Variants in HIVEP3 observed in about 807,000 individuals in gnomAD.
HIVEP3 encodes transcription factor HIVEP3.
In HIVEP3, 49 loss-of-function variants were observed where a neutral mutation model predicts 152.8. That is an observed-to-expected ratio of 0.32 (90% CI 0.26 to 0.41). The LOEUF (loss-of-function observed/expected upper bound fraction) is 0.41, where lower values mean the gene tolerates loss of function less well. Ranked by LOEUF, HIVEP3 falls within the 10% of genes least tolerant of loss-of-function variation. HIVEP3 has a pLI of 1.00. For missense variants in HIVEP3, 2,790 were observed against 3,103.3 expected, an observed-to-expected ratio of 0.90 and a Z score of 2.40; for synonymous variants, 1,269 against 1,289.0, an observed-to-expected ratio of 0.98 and a Z score of 0.33.
At chr1:41,623,926 C>A (rs1645080645) in intron 3 of HIVEP3, among the ~76,000 whole-genome samples, 1 of 152,156 alleles carries the variant, frequency 6.6e-6, no homozygotes, top group Admixed American at 6.5e-5. Flanking sequence ...TGCTCCCCAC[C>A]CCCACTTCTC....
At chr1:41,899,628 G>GA (rs1236283974) in intron 1 of HIVEP3, among the ~76,000 whole-genome samples, 2 of 152,152 alleles carry the variant, frequency 1.3e-5, no homozygotes, top group African/African-American at 4.8e-5. Flanking sequence ...GGCTGGTCTT[G>GA]AACTCCTGAT....
At chr1:41,973,371 G>A (rs777204000) in intron 1 of HIVEP3, among the ~76,000 whole-genome samples, 6 of 152,182 alleles carry the variant, frequency 3.9e-5, no homozygotes, top group Admixed American at 1.3e-4. Flanking sequence ...TGCTAGAGCC[G>A]CAGTCATCTC....
chr1:41,941,101 T>A (rs1269159756), intron 1 of HIVEP3, among the ~76,000 whole-genome samples: 1 of 151,936 alleles, frequency 6.6e-6, no homozygotes, highest in Non-Finnish European at 1.5e-5. Context: ...TTCCATGGTG[T>A]GGTGAGTTAG....
At chr1:41,781,841 T>G (rs570883476) in intron 1 of HIVEP3, among the ~76,000 whole-genome samples, 1 of 152,342 alleles carries the variant, frequency 6.6e-6, no homozygotes, top group African/African-American at 2.4e-5. Flanking sequence ...TTCTGTCACT[T>G]GTCGCTCTTC....
rs182150971 is a variant in HIVEP3, at chr1:41,676,330, G to A, written c.-721+24586C>T. ...CTCTGAAAGTGCTGGGATTACAGGCGTGAGCCACCGTGCCCGGCAACTAGG... is the reference window on the plus strand; with the variant it reads ...CTCTGAAAGTGCTGGGATTACAGGCATGAGCCACCGTGCCCGGCAACTAGG... On this transcript the variant is annotated intron_variant, in intron 2 of 8. Coordinates refer to ENST00000372583, the MANE Select transcript of HIVEP3 (RefSeq NM_024503.5). 3.2e-3 allele frequency among the ~76,000 whole-genome samples: 485 copies of A among 152,266 alleles called. 2 individuals are homozygous for A. The highest frequency in any genetic ancestry group is 0.011 in the African/African-American group (472 of 41,532).
chr1:41,712,976 G>A (rs1235094588), intron 1 of HIVEP3, among the ~76,000 whole-genome samples: 2 of 152,234 alleles, frequency 1.3e-5, no homozygotes, highest in Non-Finnish European at 2.9e-5. Context: ...TCCCACCGAT[G>A]TGGAAGTCTT....
chr1:41,917,629 G>T (rs1644891023), intron 1 of HIVEP3, among the ~76,000 whole-genome samples: 1 of 152,204 alleles, frequency 6.6e-6, no homozygotes, highest in Non-Finnish European at 1.5e-5. Flanking sequence ...GTCCTCAGCA[G>T]CCTGGACAAT....
chr1:41,804,715 G>A (rs900066543), intron 1 of HIVEP3, among the ~76,000 whole-genome samples: 37 of 152,220 alleles, frequency 2.4e-4, no homozygotes, highest in African/African-American at 7.7e-4. Flanking sequence ...TATCCTCTAC[G>A]ACTATCTAGA....
intron 1 of HIVEP3, among the ~76,000 whole-genome samples, chr1:41,799,994 C>A (rs1036723834): frequency 2.0e-5 from 3 of 152,194 alleles, no homozygotes; most frequent in Admixed American, 1.3e-4. Context: ...TTACCCAACT[C>A]TACTCTGCAA....
intron 5 of HIVEP3, among the ~76,000 whole-genome samples, chr1:41,569,533 T>C (rs930042896): frequency 1.3e-5 from 2 of 151,904 alleles, no homozygotes; most frequent in Non-Finnish European, 2.9e-5. Flanking sequence ...AAATCTGGAG[T>C]TCACAGCAAA....
intron 2 of HIVEP3, among the ~76,000 whole-genome samples, chr1:41,691,786 T>C (rs1646201613): frequency 6.6e-6 from 1 of 152,234 alleles, no homozygotes; most frequent in Non-Finnish European, 1.5e-5. Flanking sequence ...TATTCATAGA[T>C]TCTGTATTTG....
intron 1 of HIVEP3, among the ~76,000 whole-genome samples, chr1:41,742,186 C>A (rs1647007102): frequency 6.6e-6 from 1 of 152,144 alleles, no homozygotes; most frequent in Admixed American, 6.5e-5. Flanking sequence ...ATCCACCTGT[C>A]CATCCATACG....
At chr1:41,950,577 C>T (rs1213501860) in intron 1 of HIVEP3, among the ~76,000 whole-genome samples, 2 of 152,202 alleles carry the variant, frequency 1.3e-5, no homozygotes, top group East Asian at 3.9e-4. Flanking sequence ...CCCATCCATG[C>T]CTTCCCCTCT....
At chr1:41,526,008 TACTC>T (rs1041192690) in intron 5 of HIVEP3, among the ~76,000 whole-genome samples, 53 of 151,980 alleles carry the variant, frequency 3.5e-4, no homozygotes, top group African/African-American at 1.2e-3. Context: ...TGCCCTCACA[TACTC>T]ACGCCGCACC....
At chr1:41,949,854 T>C in intron 1 of HIVEP3, among the ~76,000 whole-genome samples, 1 of 152,150 alleles carries the variant, frequency 6.6e-6, no homozygotes, top group Non-Finnish European at 1.5e-5. Context: ...TGCTCTGATG[T>C]TGATGACATT....
At chr1:41,912,375 G>T (rs1183427443) in intron 1 of HIVEP3, among the ~76,000 whole-genome samples, 1 of 152,116 alleles carries the variant, frequency 6.6e-6, no homozygotes, top group Non-Finnish European at 1.5e-5. Context: ...TTCAAAAGAT[G>T]GTCACAACAC....
intron 1 of HIVEP3, among the ~76,000 whole-genome samples, chr1:41,858,017 A>T (rs888015847): frequency 9.1e-6 from 1 of 110,178 alleles, no homozygotes; most frequent in Non-Finnish European, 2.0e-5. Flanking sequence ...ATTTATTACG[A>T]CAATGACCAT....
chr1:41,684,608 A>T (rs1646087791), intron 2 of HIVEP3, among the ~76,000 whole-genome samples: 1 of 152,052 alleles, frequency 6.6e-6, no homozygotes, highest in Non-Finnish European at 1.5e-5. Flanking sequence ...AGTTTTCATC[A>T]CTTGCTGGCC....
At chr1:42,021,395 T>C (rs1468967252) in intron 1 of HIVEP3, among the ~76,000 whole-genome samples, 1 of 152,094 alleles carries the variant, frequency 6.6e-6, no homozygotes, top group East Asian at 1.9e-4. Flanking sequence ...ACTTCTAGGT[T>C]TTTGGCCTGG....
Sources: gnomAD v4.1 joint callset for allele counts (sites outside exome capture counted in the v4.1 genomes callset) on GRCh38, gnomAD v4.1.1 for gene constraint, MANE v1.5 for transcripts, NCBI Gene and HGNC (gene_info 2026-07-23, HGNC 2026-07-21) for gene names.